LHFPL3: variants seen among roughly 807,000 people sequenced by gnomAD.
LHFPL3 encodes the protein LHFPL tetraspan subfamily member 3 protein.
LHFPL3 carries 5 observed loss-of-function variants against 19.3 expected under a neutral mutation model. The observed-to-expected ratio is 0.26, with a 90% CI of 0.14 to 0.54. The LOEUF (loss-of-function observed/expected upper bound fraction) is 0.54, where lower values mean the gene tolerates loss of function less well. Among genes scored for constraint, LHFPL3 ranks in the 20% least tolerant of loss-of-function variants. The pLI is 0.94. For synonymous variants in LHFPL3, 133 were observed against 126.2 expected, an observed-to-expected ratio of 1.05 and a Z score of -0.36; for missense variants, 249 against 307.4, an observed-to-expected ratio of 0.81 and a Z score of 1.42.
intron 1 of LHFPL3, among the ~76,000 whole-genome samples, chr7:104,397,824 G>A (rs185511160): frequency 1.9e-4 from 29 of 152,276 alleles, no homozygotes; most frequent in African/African-American, 6.0e-4. Flanking sequence ...GAAGTGTGGG[G>A]GAACTTGACA....
At chr7:104,527,066 AG>A (rs1794202742) in intron 1 of LHFPL3, among the ~76,000 whole-genome samples, 1 of 152,238 alleles carries the variant, frequency 6.6e-6, no homozygotes, top group African/African-American at 2.4e-5. Context: ...ATGAAGTGAG[AG>A]CCACACAGAG....
intron 2 of LHFPL3, among the ~76,000 whole-genome samples, chr7:104,801,449 A>G (rs1202160148): frequency 2.0e-5 from 3 of 152,212 alleles, no homozygotes; most frequent in Admixed American, 6.5e-5. Flanking sequence ...CCTGAATGTA[A>G]CCAGGAAAGT....
chr7:104,564,409 C>G (rs1176894284), intron 1 of LHFPL3, among the ~76,000 whole-genome samples: 4 of 152,198 alleles, frequency 2.6e-5, no homozygotes, highest in Non-Finnish European at 4.4e-5. Context: ...TGATGGCATT[C>G]AATTCTGTTT....
chr7:104,792,877 G>A (rs186323011), intron 2 of LHFPL3, among the ~76,000 whole-genome samples: 10 of 152,098 alleles, frequency 6.6e-5, no homozygotes, highest in Admixed American at 4.6e-4. Context: ...AGTCTGCATC[G>A]GATCCTGCTA....
intron 1 of LHFPL3, among the ~76,000 whole-genome samples, chr7:104,637,041 G>A (rs560423589): frequency 6.6e-6 from 1 of 152,248 alleles, no homozygotes; most frequent in South Asian, 2.1e-4. Flanking sequence ...AACCTCGCTA[G>A]CATCTGCTTT....
chr7:104,391,537 G>A (rs911389054), intron 1 of LHFPL3, among the ~76,000 whole-genome samples: 2 of 152,068 alleles, frequency 1.3e-5, no homozygotes, highest in African/African-American at 4.8e-5. Context: ...CTGTTCCATT[G>A]GTCTATATCT....
chr7:104,534,223 C>T (rs1246158716), intron 1 of LHFPL3, among the ~76,000 whole-genome samples: 1 of 152,302 alleles, frequency 6.6e-6, no homozygotes, highest in Non-Finnish European at 1.5e-5. Flanking sequence ...GAAATATCTG[C>T]AACCCTGATC....
chr7:104,614,602 TCTTCTCTTCTCTTCTCTTC>T (rs1791275665), intron 1 of LHFPL3, among the ~76,000 whole-genome samples: 1 of 119,456 alleles, frequency 8.4e-6, no homozygotes, highest in African/African-American at 3.5e-5. Flanking sequence ...TCTTCTCTTC[TCTTCTCTTCTCTTCTCTTC>T]TCTTCTCTTC....
chr7:104,804,440 T>A lies in LHFPL3; in HGVS notation c.682+67529T>A, dbSNP rs548661386. On this transcript the variant is annotated intron_variant, in intron 2 of 2. Transcript: ENST00000424859. ...AAACTCTAGATGACCCCCAGTGATC[T>A]CCACCTCCTGGTGTTCTGCCCTTTT... Among the ~76,000 whole-genome samples, 11 of 152,342 alleles carry A rather than the reference T, an allele frequency of 7.2e-5. No individual in the cohort carries two copies. The East Asian group carries it at 2.1e-3, about 29-fold the overall frequency.
intron 1 of LHFPL3, among the ~76,000 whole-genome samples, chr7:104,363,126 G>T (rs1439553919): frequency 2.6e-5 from 4 of 152,222 alleles, no homozygotes; most frequent in Non-Finnish European, 4.4e-5. Flanking sequence ...GGAGAAGGGA[G>T]TTTGTTTTGG....
chr7:104,414,540 C>T (rs958667255), intron 1 of LHFPL3, among the ~76,000 whole-genome samples: 1 of 152,166 alleles, frequency 6.6e-6, no homozygotes, highest in African/African-American at 2.4e-5. Context: ...AAGGGAGACA[C>T]TTTGTGCAAT....
intron 1 of LHFPL3, among the ~76,000 whole-genome samples, chr7:104,593,198 A>C (rs1790763845): frequency 6.6e-6 from 1 of 151,836 alleles, no homozygotes; most frequent in Non-Finnish European, 1.5e-5. Context: ...TTCCCTGTAC[A>C]CACTGTTTTG....
intron 2 of LHFPL3, among the ~76,000 whole-genome samples, chr7:104,816,310 T>C (rs552818227): frequency 1.3e-5 from 2 of 152,346 alleles, no homozygotes; most frequent in South Asian, 2.1e-4. Flanking sequence ...AGTTTCCTTT[T>C]AGCTTAGCAG....
Position 104,374,492 on chromosome 7 carries a change from G to A in LHFPL3, c.445+45268G>A, listed in dbSNP as rs150305957. On this transcript the variant is annotated intron_variant, in intron 1 of 2. Transcript: ENST00000424859. ...CTTGACCTTATGATCTGCCCTCTTC[G>A]GCCTCCCAAAGTGCTGGGATTACAG... Among the ~76,000 whole-genome samples, 538 of 152,064 alleles carry A rather than the reference G, an allele frequency of 3.5e-3. 3 individuals are homozygous for A. The highest frequency in any genetic ancestry group is 0.012 in the African/African-American group (500 of 41,458).
rs1015987862 is a variant in LHFPL3, at chr7:104,831,991, A to G, written c.683-74196A>G. Among the ~76,000 whole-genome samples the G allele has an allele frequency of 2.6e-5, 4 of 151,994 alleles. No individual in the cohort carries two copies. In the East Asian group the frequency reaches 5.8e-4, roughly 22 times the overall value. On this transcript the variant is annotated intron_variant, in intron 2 of 2. Transcript: ENST00000424859. ...GCCACTTTCCCTGATTAGTCCTACA[A>G]TCATTTGGTGACTAATGATGTGGGC... is the stretch of plus-strand genomic sequence containing the variant.
intron 2 of LHFPL3, among the ~76,000 whole-genome samples, chr7:104,751,667 G>A (rs1470780495): frequency 2.0e-5 from 3 of 151,516 alleles, no homozygotes; most frequent in African/African-American, 4.8e-5. Flanking sequence ...ATGAGCAATG[G>A]AATCTAATAA....
At chr7:104,611,858 G>T (rs1791219444) in intron 1 of LHFPL3, among the ~76,000 whole-genome samples, 1 of 152,182 alleles carries the variant, frequency 6.6e-6, no homozygotes, top group Admixed American at 6.5e-5. Context: ...CAGACGTGCT[G>T]TGCTTTGTAT....
intron 1 of LHFPL3, among the ~76,000 whole-genome samples, chr7:104,413,154 T>C (rs1791563311): frequency 6.6e-6 from 1 of 152,172 alleles, no homozygotes; most frequent in Non-Finnish European, 1.5e-5. Context: ...GGCTCTGACT[T>C]TTCACCACGT....
At chr7:104,514,876 A>G (rs577755790) in intron 1 of LHFPL3, among the ~76,000 whole-genome samples, 1 of 152,298 alleles carries the variant, frequency 6.6e-6, no homozygotes, top group East Asian at 1.9e-4. Context: ...ACAATTATAT[A>G]TATTGTAGGA....
Sources: allele counts gnomAD v4.1 joint callset (sites outside exome capture counted in the v4.1 genomes callset), GRCh38; gene constraint gnomAD v4.1.1; transcripts MANE v1.5; gene names NCBI Gene and HGNC (gene_info 2026-07-23, HGNC 2026-07-21).